CCBE1: variants seen among roughly 807,000 people sequenced by gnomAD.
The protein encoded by CCBE1 is collagen and calcium-binding EGF domain-containing protein 1.
In CCBE1, 37 loss-of-function variants were observed where a neutral mutation model predicts 50.0. The ratio of observed to expected loss-of-function variants is 0.74; its 90% confidence interval spans 0.57 to 0.97. The LOEUF (loss-of-function observed/expected upper bound fraction) is 0.97, where lower values mean the gene tolerates loss of function less well. CCBE1 is among the 50% of genes least tolerant of loss of function. CCBE1 has a pLI of 0.00. For missense variants in CCBE1, 538 were observed against 523.8 expected, an observed-to-expected ratio of 1.03 and a Z score of -0.26; for synonymous variants, 234 against 203.7, an observed-to-expected ratio of 1.15 and a Z score of -1.27.
At chr18:59,448,740 T>C (rs1910797640) in intron 6 of CCBE1, among the ~76,000 whole-genome samples, 1 of 152,206 alleles carries the variant, frequency 6.6e-6, no homozygotes. Context: ...TCTCTAGAGA[T>C]CTCTAATACA....
At chr18:59,600,520 CTGG>C (rs1232989046) in intron 2 of CCBE1, among the ~76,000 whole-genome samples, 1 of 152,168 alleles carries the variant, frequency 6.6e-6, no homozygotes, top group Non-Finnish European at 1.5e-5. Flanking sequence ...TTCTACAGAA[CTGG>C]TCCCTGGTGC....
At chr18:59,444,006 A>C (rs190228373) in intron 7 of CCBE1, among the ~76,000 whole-genome samples, 1 of 152,154 alleles carries the variant, frequency 6.6e-6, no homozygotes, top group Non-Finnish European at 1.5e-5. Context: ...TCATTTTTTG[A>C]CTAGCTTATT....
intron 3 of CCBE1, among the ~76,000 whole-genome samples, chr18:59,473,597 T>A (rs770295020): frequency 1.3e-5 from 2 of 152,144 alleles, no homozygotes; most frequent in African/African-American, 4.8e-5. Flanking sequence ...TATTGTTAAT[T>A]TCTTTGATCT....
intron 2 of CCBE1, among the ~76,000 whole-genome samples, chr18:59,583,678 TGTGCGCGCGCGCGCGCGCGCGC>T (rs66522117): frequency 0.086 from 5,056 of 58,522 alleles, 107 homozygotes; most frequent in East Asian, 0.19. Flanking sequence ...TGTGTGTGTG[TGTGCGCGCGCGCGCGCGCGCGC>T]GTGTGTGTGT....
chr18:59,618,589 C>A (rs929366714), intron 2 of CCBE1, among the ~76,000 whole-genome samples: 1 of 152,092 alleles, frequency 6.6e-6, no homozygotes, highest in East Asian at 1.9e-4. Context: ...TGCGTGCCAC[C>A]AAACCCTGCT....
At chr18:59,666,115 A>C (rs1478802832) in intron 2 of CCBE1, 2 of 152,258 alleles carry the variant, frequency 1.3e-5, no homozygotes, top group Non-Finnish European at 2.9e-5. Context: ...TCACGGCAAA[A>C]GGCGAGGAGG....
intron 10 of CCBE1, among the ~76,000 whole-genome samples, chr18:59,436,953 CAG>C (rs1206691415): frequency 6.6e-6 from 1 of 151,988 alleles, no homozygotes; most frequent in African/African-American, 2.4e-5. Flanking sequence ...GCCTGGGTGA[CAG>C]AGTGAGACCC....
At chr18:59,631,099 C>A (rs2053843036) in intron 2 of CCBE1, among the ~76,000 whole-genome samples, 2 of 152,068 alleles carry the variant, frequency 1.3e-5, no homozygotes, top group African/African-American at 4.8e-5. Context: ...GGTCCCATGA[C>A]CTAGATGTGG....
At chr18:59,635,639 T>C (rs767793170) in intron 2 of CCBE1, among the ~76,000 whole-genome samples, 3 of 151,976 alleles carry the variant, frequency 2.0e-5, no homozygotes, top group African/African-American at 2.4e-5. Flanking sequence ...TTGTGAACAA[T>C]AGACATGAAG....
intron 2 of CCBE1, among the ~76,000 whole-genome samples, chr18:59,665,833 G>C (rs1218820619): frequency 6.6e-6 from 1 of 152,180 alleles, no homozygotes; most frequent in Non-Finnish European, 1.5e-5. Flanking sequence ...AGCTATTACT[G>C]TCAGCTGAGA....
At position 59,594,707 on chromosome 18, in the gene CCBE1, T is replaced by C. The variant is rs142786935; in HGVS notation, c.212+101922A>G. Reference sequence around the variant, plus strand: ...CAGTAGATACTCATTTCCTCGGTGCTACTCACTTTGTCAACAGTACATCTT... The same window carrying C: ...CAGTAGATACTCATTTCCTCGGTGCCACTCACTTTGTCAACAGTACATCTT... On this transcript the variant is annotated intron_variant, in intron 2 of 10. Transcript: ENST00000439986. Among the ~76,000 whole-genome samples, 1,085 of 152,232 alleles carry C rather than the reference T, an allele frequency of 7.1e-3. 12 individuals are homozygous for C. Among genetic ancestry groups the C allele is most frequent in the African/African-American group, 0.025 (1,027 of 41,542 alleles).
chr18:59,687,672 A>G (rs1253393376), intron 2 of CCBE1, among the ~76,000 whole-genome samples: 5 of 152,236 alleles, frequency 3.3e-5, no homozygotes, highest in African/African-American at 7.2e-5. Context: ...TCAAAAATTC[A>G]TAAGTTTAGG....
At chr18:59,660,000 G>A (rs1339443951) in intron 2 of CCBE1, among the ~76,000 whole-genome samples, 1 of 152,178 alleles carries the variant, frequency 6.6e-6, no homozygotes, top group African/African-American at 2.4e-5. Context: ...CCGGGTCACA[G>A]ACAATGCGTG....
At chr18:59,569,968 T>G (rs971189285) in intron 2 of CCBE1, among the ~76,000 whole-genome samples, 2 of 152,210 alleles carry the variant, frequency 1.3e-5, no homozygotes, top group African/African-American at 4.8e-5. Context: ...ACTACCCAGA[T>G]AATGCCAGAT....
intron 2 of CCBE1, among the ~76,000 whole-genome samples, chr18:59,653,344 T>A (rs1191714926): frequency 6.6e-6 from 1 of 152,226 alleles, no homozygotes; most frequent in African/African-American, 2.4e-5. Context: ...AAATTGTTCA[T>A]ACCCAGGTTA....
chr18:59,513,835 C>T (rs574747095), intron 2 of CCBE1, among the ~76,000 whole-genome samples: 55 of 152,268 alleles, frequency 3.6e-4, no homozygotes, highest in African/African-American at 1.3e-3. Context: ...CTGACTGGCT[C>T]CAAGCCTGTG....
chr18:59,461,150 G>A (rs1193591056), intron 5 of CCBE1, among the ~76,000 whole-genome samples: 2 of 151,940 alleles, frequency 1.3e-5, no homozygotes, highest in Non-Finnish European at 2.9e-5. Context: ...GCTCATTGTT[G>A]CTCAGTTAAT....
chr18:59,676,355 C>T (rs956357339), intron 2 of CCBE1, among the ~76,000 whole-genome samples: 1 of 152,218 alleles, frequency 6.6e-6, no homozygotes, highest in African/African-American at 2.4e-5. Context: ...AGTGCCCACC[C>T]ATGGCAAGTC....
chr18:59,655,066 G>T (rs1438825534), intron 2 of CCBE1, among the ~76,000 whole-genome samples: 2 of 131,044 alleles, frequency 1.5e-5, no homozygotes, highest in Non-Finnish European at 3.1e-5. Flanking sequence ...CAGCCTGGGC[G>T]ACACCACTGA....
Sources: allele counts gnomAD v4.1 joint callset (sites outside exome capture counted in the v4.1 genomes callset), GRCh38; gene constraint gnomAD v4.1.1; transcripts MANE v1.5; gene names NCBI Gene and HGNC (gene_info 2026-07-23, HGNC 2026-07-21).